CDC42BPB: variants seen among roughly 807,000 people sequenced by gnomAD.
CDC42BPB encodes serine/threonine-protein kinase MRCK beta.
In CDC42BPB, 37 loss-of-function variants were observed where a neutral mutation model predicts 214.9. That is an observed-to-expected ratio of 0.17 (90% CI 0.13 to 0.23). The LOEUF is 0.23. CDC42BPB is among the 10% of genes least tolerant of loss of function. The pLI is 1.00. For missense variants in CDC42BPB, 1,694 were observed against 2,227.0 expected, an observed-to-expected ratio of 0.76 and a Z score of 4.82; for synonymous variants, 931 against 884.0, an observed-to-expected ratio of 1.05 and a Z score of -0.94.
At chr14:103,038,113 G>A (rs1370308412) in intron 1 of CDC42BPB, among the ~76,000 whole-genome samples, 1 of 151,804 alleles carries the variant, frequency 6.6e-6, no homozygotes, top group East Asian at 1.9e-4. Flanking sequence ...GAGGTGGGTG[G>A]ATCACGAGGT....
chr14:103,010,515 A>G (rs966259109), intron 2 of CDC42BPB, among the ~76,000 whole-genome samples: 5 of 152,182 alleles, frequency 3.3e-5, no homozygotes, highest in Admixed American at 1.3e-4. Context: ...GCCTTCTTTC[A>G]CGTCTGCACA....
chr14:102,956,647 T>C (rs746249748), intron 21 of CDC42BPB, among the ~76,000 whole-genome samples: 1 of 151,946 alleles, frequency 6.6e-6, no homozygotes, highest in Non-Finnish European at 1.5e-5. Flanking sequence ...CTGGGCAATA[T>C]AGCAAGAATC....
chr14:103,053,099 C>T (rs1888700007), intron 1 of CDC42BPB, among the ~76,000 whole-genome samples: 1 of 151,482 alleles, frequency 6.6e-6, no homozygotes, highest in South Asian at 2.1e-4. Context: ...CCTGTAATCC[C>T]AGCACTTTGA....
rs753792492 is a variant in CDC42BPB at position 102,968,652 on chromosome 14, T to C, written c.2060A>G (p.Lys687Arg). 7.4e-6 allele frequency: 12 copies of C among 1,614,260 alleles called. No homozygotes were observed. In the Admixed American group the frequency reaches 2.0e-4, roughly 27 times the overall value. The change falls in exon 15 of 37, where the codon AAA becomes AGA. Residue 687 changes from lysine (K) to arginine (R), a missense_variant. Around this residue, in one of 7 missense-constraint regions of CDC42BPB, gnomAD observed 462 missense variants for 513.5 expected, o/e 0.90. Transcript: ENST00000361246. ...LEHQQEISKI[K>R]SELEKKVLFY... The stretch of plus-strand genomic sequence containing the variant: ...TAAGACTTTCTTCTCCAGCTCGGAT[T>C]TGATTTTGGAAATCTCTTGCTGGTG...
intron 2 of CDC42BPB, 33 bp downstream of exon 2, chr14:103,012,064 T>C: frequency 2.7e-6 from 4 of 1,464,830 alleles, no homozygotes; most frequent in South Asian, 2.3e-5. Flanking sequence ...TTTGGCAATT[T>C]AGGCAAAGTT....
chr14:103,010,480 G>A (rs986243399), intron 2 of CDC42BPB, among the ~76,000 whole-genome samples: 2 of 152,118 alleles, frequency 1.3e-5, no homozygotes, highest in East Asian at 3.9e-4. Context: ...GCGAGAGGGG[G>A]GCTATTTCCC....
chr14:103,026,735 G>A (rs1455961426), intron 1 of CDC42BPB, among the ~76,000 whole-genome samples: 1 of 151,920 alleles, frequency 6.6e-6, no homozygotes, highest in Admixed American at 6.6e-5. Flanking sequence ...AGGCATGGTG[G>A]CGGGTGCCTG....
rs762722008 is a variant in CDC42BPB at position 102,940,236 on chromosome 14, G to T, written c.4497C>A (p.Gly1499=). The change falls in exon 31 of 37, where the codon GGC becomes GGA. Residue 1499 remains glycine (G), a synonymous_variant. Coordinates refer to ENST00000361246, the MANE Select transcript of CDC42BPB (RefSeq NM_006035.4). ...VRTMEWVQTI[G]LRRIRPLNSE... ...ACCGAGGCCGCCTTACCCTCCGCAG[G>T]CCGATGGTCTGCACCCACTCCATGG... 2 of 1,602,958 alleles carry T rather than the reference G, an allele frequency of 1.2e-6. No homozygotes were observed. Among genetic ancestry groups the T allele is most frequent in the Admixed American group, 1.7e-5 (1 of 57,766 alleles).
chr14:102,936,774 C>T (rs958529761), intron 36 of CDC42BPB, among the ~76,000 whole-genome samples: 4 of 152,186 alleles, frequency 2.6e-5, no homozygotes, highest in African/African-American at 4.8e-5. Context: ...ACACGTGAAC[C>T]GTGGTGCCCA....
intron 5 of CDC42BPB, among the ~76,000 whole-genome samples, chr14:102,991,217 A>G (rs1894474565): frequency 6.6e-6 from 1 of 152,234 alleles, no homozygotes; most frequent in Non-Finnish European, 1.5e-5. Flanking sequence ...TGTGGAAATG[A>G]CACCCTGAGA....
At chr14:103,006,009 AC>A (rs1885790853) in intron 3 of CDC42BPB, among the ~76,000 whole-genome samples, 1 of 139,252 alleles carries the variant, frequency 7.2e-6, no homozygotes, top group Non-Finnish European at 1.5e-5. Flanking sequence ...ACAGGGAGAG[AC>A]GTCTCAAAAA....
At chr14:102,954,836 G>C in intron 21 of CDC42BPB, 148 bp from the exon 22 acceptor site, 1 of 1,434,662 alleles carries the variant, frequency 7.0e-7, no homozygotes, top group African/African-American at 1.4e-5. Context: ...TCACCCCTTG[G>C]GTCTCCTCAC....
At position 102,944,085 on chromosome 14, in the gene CDC42BPB, G is replaced by A; in HGVS notation, c.4214C>T (p.Pro1405Leu). ...GTCATTGGGATTTACCAGGTTTAGA[G>A]GCTGCCCGTCCCCCTGGATGCTCAG... The part of the protein sequence containing the change: ...CLLSIQGDGQ[P>L]LNLVNPNDPS... The change falls in exon 30 of 37, where the codon CCT becomes CTT. Residue 1405 changes from proline to leucine, a missense_variant. By Grantham distance (98) the Pro-to-Leu change is moderately conservative. This residue lies in a region of CDC42BPB where 567 missense variants were observed against 790.3 expected (regional missense o/e 0.72). Coordinates refer to ENST00000361246, the MANE Select transcript of CDC42BPB (RefSeq NM_006035.4). This position sits in a 1 kb window ranked among gnomAD's most constrained non-coding sequence, Gnocchi z 6.6. 12 of 1,613,552 alleles carry A rather than the reference G, an allele frequency of 7.4e-6. No individual in the cohort carries two copies. Among genetic ancestry groups the A allele is most frequent in the Non-Finnish European group, 1.0e-5 (12 of 1,180,024 alleles).
At chr14:102,957,513 A>G (rs1319696250) in intron 21 of CDC42BPB, among the ~76,000 whole-genome samples, 5 of 152,202 alleles carry the variant, frequency 3.3e-5, no homozygotes, top group African/African-American at 1.2e-4. Context: ...GCAACGAGAG[A>G]GGCAATGACT....
At chr14:103,005,757 C>T (rs552622722) in intron 3 of CDC42BPB, among the ~76,000 whole-genome samples, 31 of 152,174 alleles carry the variant, frequency 2.0e-4, no homozygotes, top group Middle Eastern at 3.4e-3. Flanking sequence ...CACGGTGGCT[C>T]ACGCGTGTAA....
rs754582235 is a variant in CDC42BPB at position 103,006,353 on chromosome 14, G to A, written c.351+2119C>T. Among the ~76,000 whole-genome samples the A allele has an allele frequency of 5.1e-4, 78 of 152,360 alleles. 1 individual carries two copies. Among genetic ancestry groups the A allele is most frequent in the Non-Finnish European group, 9.6e-4 (65 of 68,046 alleles). ...GAGGATCTGCGGCACCTGTGCCAACGCCTCCAGGAGACGCTCCCTGAAGCT... is the reference window on the plus strand; with the variant it reads ...GAGGATCTGCGGCACCTGTGCCAACACCTCCAGGAGACGCTCCCTGAAGCT... On this transcript the variant is annotated intron_variant, in intron 3 of 36. Transcript: ENST00000361246.
chr14:103,041,882 C>G (rs1243767176), intron 1 of CDC42BPB: 1 of 424,496 alleles, frequency 2.4e-6, no homozygotes, highest in African/African-American at 2.1e-5. Flanking sequence ...GGAGACAGTT[C>G]TGCTGAAGAA....
intron 1 of CDC42BPB, among the ~76,000 whole-genome samples, chr14:103,050,706 A>C (rs1888552890): frequency 6.6e-6 from 1 of 152,110 alleles, no homozygotes; most frequent in Non-Finnish European, 1.5e-5. Context: ...GCAGTGAGAC[A>C]TGACAGAGCC....
intron 1 of CDC42BPB, among the ~76,000 whole-genome samples, chr14:103,019,141 C>G (rs368703242): frequency 6.6e-6 from 1 of 152,080 alleles, no homozygotes; most frequent in Non-Finnish European, 1.5e-5. Flanking sequence ...GCTGTATTGT[C>G]CAGGCTGGTC....
Sources: gnomAD v4.1 joint callset for allele counts (sites outside exome capture counted in the v4.1 genomes callset) on GRCh38, gnomAD v4.1.1 for gene constraint, gnomAD v4.1.1 regional missense constraint, Gnocchi (gnomAD v3.1) non-coding constraint, MANE v1.5 for transcripts, NCBI Gene and HGNC (gene_info 2026-07-23, HGNC 2026-07-21) for gene names.